VPS28: variants seen among roughly 807,000 people sequenced by gnomAD.
VPS28 encodes the protein VPS28 subunit of ESCRT-I.
Under a neutral mutation model 33.7 loss-of-function variants are expected in VPS28, and 29 were observed. The observed-to-expected ratio is 0.86, with a 90% CI of 0.64 to 1.17. The LOEUF is 1.17. Among genes scored for constraint, VPS28 ranks in the 50% most tolerant of loss-of-function variants. The probability of loss-of-function intolerance (pLI) is 0.00; values close to 1 mark genes in which losing one functional copy is unlikely to be tolerated. For missense variants in VPS28, 247 were observed against 312.2 expected, an observed-to-expected ratio of 0.79 and a Z score of 1.57; for synonymous variants, 164 against 116.7, an observed-to-expected ratio of 1.40 and a Z score of -2.61.
intron 1 of VPS28, among the ~76,000 whole-genome samples, chr8:144,427,687 G>A (rs1586672214): frequency 6.6e-6 from 1 of 152,330 alleles, no homozygotes; most frequent in African/African-American, 2.4e-5. Flanking sequence ...AGATGGAGAG[G>A]TGCCCCTAGT....
chr8:144,423,800 C>T lies in VPS28; in HGVS notation c.*5G>A, dbSNP rs11558160. ...CCCTTCTGTGCAAGGGCTAGTGCCCCGGGCTCAGGCATGCAGGAAGCGGTT... is the reference window on the plus strand; with the variant it reads ...CCCTTCTGTGCAAGGGCTAGTGCCCTGGGCTCAGGCATGCAGGAAGCGGTT... On this transcript the variant is annotated 3_prime_UTR_variant, in exon 10 of 10. Transcript: ENST00000292510. 1.8e-5 allele frequency: 29 copies of T among 1,613,000 alleles called. 1 individual carries two copies. The highest frequency in any genetic ancestry group is 5.5e-5 in the South Asian group (5 of 91,086).
In VPS28 at chr8:144,426,161, G is replaced by T. The variant is rs143370400; in HGVS notation, c.66+19C>A. 0.011 allele frequency: 18,350 copies of T among 1,604,322 alleles called. 154 individuals carry two copies. Among genetic ancestry groups the T allele is most frequent in the Non-Finnish European group, 0.014 (16,244 of 1,175,706 alleles). On this transcript the variant is annotated intron_variant, in intron 3 of 9. Coordinates refer to ENST00000292510, the MANE Select transcript of VPS28 (RefSeq NM_016208.4). ...TTTGCTGTTGGCCAATGCCGGCCGG[G>T]TGGGCACCCACCACTCACCTCATAC...
At position 144,425,689 on chromosome 8, in the gene VPS28, G is replaced by A; in HGVS notation, c.188C>T (p.Pro63Leu). Residue 63 changes from proline (P) to leucine (L), a missense_variant, in exon 5 of 10, where the codon CCC becomes CTC. Physicochemically the swap from Pro to Leu is moderately conservative, Grantham distance 98. Coordinates refer to ENST00000292510, the MANE Select transcript of VPS28 (RefSeq NM_016208.4). ...EKAYIKDCVS[P>L]SEYTAACSRL... is the part of the protein sequence containing the mutation. The stretch of plus-strand genomic sequence containing the variant: ...CCAGGACGTGGGCTCTTACTCGCTG[G>A]GGGAGACACAGTCCTTGATGTAGGC... The A allele has an allele frequency of 1.2e-6, 2 of 1,613,748 alleles. No homozygotes were observed. The highest frequency in any genetic ancestry group is 1.3e-5 in the African/African-American group (1 of 75,030).
chr8:144,424,949 G>A lies in VPS28; in HGVS notation c.297C>T (p.Phe99=), dbSNP rs782083537. The A allele has an allele frequency of 1.3e-6, 2 of 1,580,120 alleles. No individual in the cohort carries two copies. The highest frequency in any genetic ancestry group is 2.3e-5 in the East Asian group (1 of 43,234). The change falls in exon 6 of 10, where the codon TTC becomes TTT. Residue 99 remains phenylalanine, a synonymous_variant. Coordinates refer to ENST00000292510, the MANE Select transcript of VPS28 (RefSeq NM_016208.4). ...GGTGGAAGGACCAGGCACTCACGCG[G>A]AACTTGCGGCAGAATTCGTCAATAG... The part of the protein sequence containing the change: ...ISSIDEFCRK[F]RLDCPLAMER...
At position 144,424,157 on chromosome 8, in the gene VPS28, C is replaced by A. The variant is rs782560537; in HGVS notation, c.457-25G>T. The A allele has an allele frequency of 6.4e-6, 10 of 1,553,386 alleles. No homozygotes were observed. In the African/African-American group the frequency reaches 1.2e-4, roughly 19 times the overall value. The stretch of plus-strand genomic sequence containing the variant: ...TCTGAGACACACACAGCGGCTGGGA[C>A]CCCGACGCCGGCTCCATCCCCTCCT... On this transcript the variant is annotated intron_variant, in intron 8 of 9. Transcript: ENST00000292510.
rs1199886766 is a variant in VPS28 at position 144,426,445 on chromosome 8, C to A, written c.38-237G>T. Reference sequence around the variant, plus strand: ...TGACAGGCCCAGCTCCCCAGCTCCACTGCGGCTCCCCGGGGGACCGCATGA... The same window carrying A: ...TGACAGGCCCAGCTCCCCAGCTCCAATGCGGCTCCCCGGGGGACCGCATGA... On this transcript the variant is annotated intron_variant, in intron 2 of 9. Transcript: ENST00000292510. The A allele has an allele frequency of 1.3e-5, 7 of 531,012 alleles. 1 individual carries two copies. Among genetic ancestry groups the A allele is most frequent in the East Asian group, 6.7e-5 (2 of 29,872 alleles). 32.9% of individuals were successfully genotyped at this position (531,012 alleles called of 1,614,324 possible). A position where few individuals can be genotyped will look rare whatever the true frequency, so the allele number is the denominator to read the frequency against.
At chr8:144,428,189 G>T (rs1003720056) in intron 1 of VPS28, among the ~76,000 whole-genome samples, 1 of 152,208 alleles carries the variant, frequency 6.6e-6, no homozygotes, top group African/African-American at 2.4e-5. Context: ...GAGGCTGCTC[G>T]GCAGCCGTCA....
chr8:144,425,478 T>C (rs1586666580), intron 5 of VPS28: 3 of 601,984 alleles, frequency 5.0e-6, no homozygotes, highest in East Asian at 5.6e-5. Flanking sequence ...GTGGGCCGGA[T>C]GACACCCCAG....
intron 4 of VPS28, 52 bp downstream of exon 4, chr8:144,425,974 G>A: frequency 2.7e-6 from 4 of 1,471,768 alleles, no homozygotes; most frequent in South Asian, 2.8e-5. Context: ...GCTGCCCCAG[G>A]GCAGCCAGAT....
chr8:144,427,206 G>A (rs967352880), intron 1 of VPS28: 1 of 334,872 alleles, frequency 3.0e-6, no homozygotes, highest in Non-Finnish European at 5.7e-6. Context: ...GGCTGAGGCA[G>A]GAGAATCGCT....
intron 7 of VPS28, 100 bp downstream of exon 7, chr8:144,424,618 G>A (rs1304960249): frequency 8.4e-6 from 11 of 1,308,220 alleles, no homozygotes; most frequent in Non-Finnish European, 1.1e-5. Context: ...GCAAGTCAGA[G>A]TGCTGCTCAG....
chr8:144,423,680 C>CA lies in VPS28; in HGVS notation c.*124dup, dbSNP rs1822518531. 1.6e-6 allele frequency: 2 copies of CA among 1,280,162 alleles called. No individual in the cohort carries two copies. Among genetic ancestry groups the CA allele is most frequent in the Non-Finnish European group, 2.2e-6 (2 of 912,240 alleles). 79.3% of individuals were successfully genotyped at this position (1,280,162 alleles called of 1,614,324 possible). On this transcript the variant is annotated 3_prime_UTR_variant, in exon 10 of 10. Transcript: ENST00000292510. Reference sequence around the variant, plus strand: ...GCCCCCAAAGTTCTGACACCAAAGACAGACACCAGACAGGCAGCTGCAGAC... The same window carrying CA: ...GCCCCCAAAGTTCTGACACCAAAGACAAGACACCAGACAGGCAGCTGCAGAC...
intron 5 of VPS28, 44 bp downstream of exon 5, chr8:144,425,639 G>GC (rs782481078): frequency 2.5e-6 from 4 of 1,601,930 alleles, no homozygotes; most frequent in African/African-American, 1.3e-5. Flanking sequence ...GAGCACCCAA[G>GC]CCCCCCAGGG....
At chr8:144,426,086 TG>T in intron 3 of VPS28, 23 bp from the exon 4 acceptor site, 1 of 1,554,934 alleles carries the variant, frequency 6.4e-7, no homozygotes, top group African/African-American at 1.4e-5. Flanking sequence ...GCGGGCTCTG[TG>T]GGCCAGTGCC....
Position 144,425,061 on chromosome 8 carries a change from G to A in VPS28, c.195-10C>T, listed in dbSNP as rs782061695. The A allele has an allele frequency of 2.8e-5, 44 of 1,550,614 alleles. No homozygotes were observed. The highest frequency in any genetic ancestry group is 2.7e-4 in the South Asian group (23 of 84,062). ...GCAGGCTGCAGTGTACCTAGGGAGAGGTCAGCTGCTGCCCAAGCATGGGAC... is the reference window on the plus strand; with the variant it reads ...GCAGGCTGCAGTGTACCTAGGGAGAAGTCAGCTGCTGCCCAAGCATGGGAC... On this transcript the variant is annotated splice_polypyrimidine_tract_variant and intron_variant, in intron 5 of 9. Coordinates refer to ENST00000292510, the MANE Select transcript of VPS28 (RefSeq NM_016208.4).
Position 144,423,858 on chromosome 8 carries a change from GCATCTGACGCACCTGTGAGTCGTCCAGCT to G in VPS28, c.584_612del (p.Glu195AlafsTer23). On this transcript the variant is annotated frameshift_variant, in exon 10 of 10. Transcript: ENST00000292510. LOFTEE classifies it high-confidence loss of function. ...TTGTAGGCTGACTCCAGGTCGAACA[GCATCTGACGCACCTGTGAGTCGTCCAGCT>G]CATCTGACGCCGACATGCCGCTCAG... The G allele has an allele frequency of 6.2e-7, 1 of 1,613,164 alleles. No individual in the cohort carries two copies. Among genetic ancestry groups the G allele is most frequent in the Non-Finnish European group, 8.5e-7 (1 of 1,180,046 alleles).
At chr8:144,425,587 G>C in intron 5 of VPS28, 96 bp downstream of exon 5, 1 of 1,337,044 alleles carries the variant, frequency 7.5e-7, no homozygotes, top group Non-Finnish European at 1.0e-6. Flanking sequence ...CACACAAGTG[G>C]GTGCCTCCCA....
At chr8:144,427,909 G>C (rs114654473) in intron 1 of VPS28, among the ~76,000 whole-genome samples, 1 of 152,174 alleles carries the variant, frequency 6.6e-6, no homozygotes, top group Non-Finnish European at 1.5e-5. Flanking sequence ...CTCAGACGGA[G>C]AGGGGAGGAG....
At chr8:144,425,195 T>C in intron 5 of VPS28, 144 bp from the exon 6 acceptor site, 1 of 700,460 alleles carries the variant, frequency 1.4e-6, no homozygotes, top group Non-Finnish European at 2.4e-6. Flanking sequence ...GAGGGGCTGC[T>C]AGTAGCTTTT....
Sources: gnomAD v4.1 joint callset for allele counts (sites outside exome capture counted in the v4.1 genomes callset) on GRCh38, gnomAD v4.1.1 for gene constraint, MANE v1.5 for transcripts, NCBI Gene and HGNC (gene_info 2026-07-23, HGNC 2026-07-21) for gene names.